ARHGAP21: variants seen among roughly 807,000 people sequenced by gnomAD.
ARHGAP21 encodes Rho GTPase activating protein 21.
Under a neutral mutation model 164.6 loss-of-function variants are expected in ARHGAP21, and 38 were observed. That is an observed-to-expected ratio of 0.23 (90% CI 0.18 to 0.30). ARHGAP21 has a LOEUF of 0.30. Among genes scored for constraint, ARHGAP21 ranks in the 10% least tolerant of loss-of-function variants. The pLI is 1.00. For missense variants in ARHGAP21, 1,822 were observed against 2,370.7 expected, an observed-to-expected ratio of 0.77 and a Z score of 4.81; for synonymous variants, 766 against 857.9, an observed-to-expected ratio of 0.89 and a Z score of 1.87.
At chr10:24,660,386 TAAA>T (rs56053080) in intron 4 of ARHGAP21, among the ~76,000 whole-genome samples, 1 of 60,092 alleles carries the variant, frequency 1.7e-5, no homozygotes. Flanking sequence ...CTCTCTCTCT[TAAA>T]AAAAAAAAAA....
chr10:24,670,709 C>A (rs1028822883), intron 2 of ARHGAP21, among the ~76,000 whole-genome samples: 7 of 151,730 alleles, frequency 4.6e-5, no homozygotes. Context: ...AAAGATAATA[C>A]CAAAGAAATT....
chr10:24,616,898 C>T (rs1275698552), intron 9 of ARHGAP21, among the ~76,000 whole-genome samples: 1 of 152,098 alleles, frequency 6.6e-6, no homozygotes, highest in Non-Finnish European at 1.5e-5. Context: ...AAACAAAATA[C>T]TGTTAATGAG....
rs1439383910 is a variant in ARHGAP21 at position 24,584,688 on chromosome 10, T to C, written c.5601A>G (p.Arg1867=). Residue 1867 remains arginine, a synonymous_variant, in exon 26 of 26, where the codon AGA becomes AGG. Coordinates refer to ENST00000396432, the MANE Select transcript of ARHGAP21 (RefSeq NM_020824.4). ...CTGTCTGGGGATCTCCGATTTCTCC[T>C]CTGCTAAGGTCAGAGGTACTGGTGC... ...RLRTSTSDLS[R]GEIGDPQTEN... 1 of 1,613,980 alleles carries C rather than the reference T, an allele frequency of 6.2e-7. No homozygotes were observed. The highest frequency in any genetic ancestry group is 1.7e-5 in the Admixed American group (1 of 60,008).
chr10:24,638,674 A>G (rs887924430), intron 4 of ARHGAP21, among the ~76,000 whole-genome samples: 1 of 152,188 alleles, frequency 6.6e-6, no homozygotes, highest in Admixed American at 6.5e-5. Flanking sequence ...AACACATGGG[A>G]CATGTTTCAA....
intron 9 of ARHGAP21, among the ~76,000 whole-genome samples, chr10:24,613,566 T>C (rs749089947): frequency 7.2e-5 from 11 of 152,192 alleles, no homozygotes; most frequent in Non-Finnish European, 8.8e-5. Flanking sequence ...CAATGCTGTA[T>C]CTCCCTATTA....
rs192010871 is a variant in ARHGAP21, at chr10:24,634,121, C to T, written c.362-641G>A. 1.7e-3 allele frequency among the ~76,000 whole-genome samples: 252 copies of T among 151,908 alleles called. 1 individual carries two copies. Among genetic ancestry groups the T allele is most frequent in the African/African-American group, 5.9e-3 (246 of 41,424 alleles). On this transcript the variant is annotated intron_variant, in intron 5 of 25. Coordinates refer to ENST00000396432, the MANE Select transcript of ARHGAP21 (RefSeq NM_020824.4). ...TCACAGCATATCTCCACTTCATCTT[C>T]CCAATCATGTGGGGCTTAAAATACG...
chr10:24,633,338 A>T, intron 6 of ARHGAP21, 64 bp downstream of exon 6: 1 of 1,147,874 alleles, frequency 8.7e-7, no homozygotes, highest in Non-Finnish European at 1.3e-6. Flanking sequence ...AGATTGTATT[A>T]AATCTATGTG....
chr10:24,670,082 T>C (rs1355046471), intron 3 of ARHGAP21, 136 bp downstream of exon 3: 4 of 505,918 alleles, frequency 7.9e-6, no homozygotes, highest in Non-Finnish European at 1.3e-5. Context: ...AAAAATAATA[T>C]AATAAAAATT....
intron 4 of ARHGAP21, among the ~76,000 whole-genome samples, chr10:24,665,700 G>C (rs769480341): frequency 2.6e-5 from 4 of 152,176 alleles, no homozygotes; most frequent in Non-Finnish European, 5.9e-5. Context: ...GGGTTATACA[G>C]TCATCAAAAC....
chr10:24,620,772 G>C lies in ARHGAP21; in HGVS notation c.1123C>G (p.His375Asp). The C allele has an allele frequency of 6.2e-7, 1 of 1,614,156 alleles. No homozygotes were observed. The highest frequency in any genetic ancestry group is 8.5e-7 in the Non-Finnish European group (1 of 1,180,040). The part of the protein sequence containing the change: ...AVEAPSVSVN[H>D]YSPNSHQHID... ...TGCTGATGGGAATTTGGCGAATAGT[G>C]ATTAACAGATACAGAGGGAGCCTCC... Residue 375 changes from histidine (H) to aspartate (D), a missense_variant, in exon 9 of 26, where the codon CAC (histidine) becomes GAC (aspartate). This residue lies in a region of ARHGAP21 where 1,090 missense variants were observed against 1,378.9 expected (regional missense o/e 0.79). Coordinates refer to ENST00000396432, the MANE Select transcript of ARHGAP21 (RefSeq NM_020824.4).
intron 7 of ARHGAP21, among the ~76,000 whole-genome samples, chr10:24,628,337 T>C (rs1416078311): frequency 1.3e-5 from 2 of 152,240 alleles, no homozygotes; most frequent in African/African-American, 4.8e-5. Context: ...TCTACATGCC[T>C]TGAAAACATG....
At chr10:24,683,628 T>C (rs1041446723) in intron 2 of ARHGAP21, among the ~76,000 whole-genome samples, 2 of 152,070 alleles carry the variant, frequency 1.3e-5, no homozygotes, top group African/African-American at 2.4e-5. Flanking sequence ...TATGTCTTTA[T>C]AGTATAATGC....
intron 6 of ARHGAP21, among the ~76,000 whole-genome samples, chr10:24,631,784 C>A (rs1835878224): frequency 6.6e-6 from 1 of 152,156 alleles, no homozygotes; most frequent in Non-Finnish European, 1.5e-5. Context: ...GTGGCTCTAT[C>A]AAGGTTCACT....
chr10:24,695,963 T>C (rs1843138638), intron 2 of ARHGAP21, among the ~76,000 whole-genome samples: 2 of 152,188 alleles, frequency 1.3e-5, no homozygotes, highest in African/African-American at 4.8e-5. Context: ...AGACCTGGAT[T>C]CCTGACTCCC....
chr10:24,623,474 A>G (rs538704488), intron 7 of ARHGAP21, among the ~76,000 whole-genome samples: 1 of 152,356 alleles, frequency 6.6e-6, no homozygotes, highest in East Asian at 1.9e-4. Flanking sequence ...ATAAAATAAA[A>G]TATGTCTACA....
rs1564940918 is a variant in ARHGAP21, at chr10:24,585,023, T to C, written c.5266A>G (p.Lys1756Glu). The change falls in exon 26 of 26, where the codon AAA (lysine) becomes GAA (glutamate). Residue 1756 changes from lysine to glutamate, a missense_variant. Lys to Glu is a moderately conservative substitution (Grantham distance 56). Around this residue, in one of 5 missense-constraint regions of ARHGAP21, gnomAD observed 117 missense variants for 193.2 expected, o/e 0.61. Coordinates refer to ENST00000396432, the MANE Select transcript of ARHGAP21 (RefSeq NM_020824.4). ...LLTPTRGESEKQEPTWKTKIA... is the reference protein window; with the variant it reads ...LLTPTRGESEEQEPTWKTKIA... The stretch of plus-strand genomic sequence containing the variant: ...TTCGTTTTCCATGTGGGTTCCTGTT[T>C]TTCGGATTCGCCTCTGGTGGGTGTC... 6 of 1,613,980 alleles carry C rather than the reference T, an allele frequency of 3.7e-6. No individual in the cohort carries two copies. The highest frequency in any genetic ancestry group is 5.1e-6 in the Non-Finnish European group (6 of 1,179,874).
Position 24,584,974 on chromosome 10 carries a change from C to G in ARHGAP21, c.5315G>C (p.Arg1772Thr). 6.2e-7 allele frequency: 1 copy of G among 1,613,940 alleles called. No homozygotes were observed. The highest frequency in any genetic ancestry group is 8.5e-7 in the Non-Finnish European group (1 of 1,179,862). Residue 1772 changes from arginine to threonine, a missense_variant, in exon 26 of 26, where the codon AGA becomes ACA. By Grantham distance (71) the Arg-to-Thr change is moderately conservative (BLOSUM62 -1). Around this residue, in one of 5 missense-constraint regions of ARHGAP21, gnomAD observed 117 missense variants for 193.2 expected, o/e 0.61. Transcript: ENST00000396432. ...CATGTCATCCGCAGGGGCTCTGGGT[C>G]TCAGTTTTAACCGATCTGCTATTTT... Reference protein sequence around the residue: ...KTKIADRLKLRPRAPADDMFG... With the variant: ...KTKIADRLKLTPRAPADDMFG...
chr10:24,646,412 G>A (rs768927377), intron 4 of ARHGAP21, among the ~76,000 whole-genome samples: 21 of 152,134 alleles, frequency 1.4e-4, no homozygotes, highest in Non-Finnish European at 3.1e-4. Flanking sequence ...AGCACTTTGG[G>A]AGGCAGAGCC....
At chr10:24,606,467 TATA>T (rs970049318) in intron 11 of ARHGAP21, among the ~76,000 whole-genome samples, 10 of 152,228 alleles carry the variant, frequency 6.6e-5, no homozygotes, top group African/African-American at 1.9e-4. Context: ...AATATGCCAT[TATA>T]ATAATTAAAA....
Sources: allele counts gnomAD v4.1 joint callset (sites outside exome capture counted in the v4.1 genomes callset), GRCh38; gene constraint gnomAD v4.1.1; regional missense constraint gnomAD v4.1.1; transcripts MANE v1.5; gene names NCBI Gene and HGNC (gene_info 2026-07-23, HGNC 2026-07-21).